The following JPH1 variants were observed in gnomAD, a reference collection of about 807,000 sequenced individuals.
JPH1 encodes the protein junctophilin-1.
Under a neutral mutation model 53.6 loss-of-function variants are expected in JPH1, and 12 were observed. That is an observed-to-expected ratio of 0.22 (90% CI 0.14 to 0.36). The LOEUF is 0.36. Among genes scored for constraint, JPH1 ranks in the 10% least tolerant of loss-of-function variants. JPH1 has a pLI of 1.00. For synonymous variants in JPH1, 375 were observed against 363.8 expected (o/e 1.03, Z -0.35); for missense variants, 808 against 905.5 (o/e 0.89, Z 1.38).
At chr8:74,244,416 C>T in intron 4 of JPH1, 113 bp downstream of exon 4, 2 of 1,162,536 alleles carry the variant, frequency 1.7e-6, no homozygotes, top group South Asian at 1.5e-5. Flanking sequence ...CAACCCTGTG[C>T]TTCTAGAACC....
rs1806981737 is a variant in JPH1 at position 74,235,775 on chromosome 8, T to TGAA, written c.*1275_*1276insTTC. Reference sequence around the variant, plus strand: ...AAGACACATATTTAAAATAAAAATGTCTAAGCCTTTAAAATGTGAAATGAA... The same window carrying TGAA: ...AAGACACATATTTAAAATAAAAATGTGAACTAAGCCTTTAAAATGTGAAATGAA... On this transcript the variant is annotated 3_prime_UTR_variant, in exon 6 of 6. Transcript: ENST00000342232. The TGAA allele has an allele frequency of 6.6e-6, 1 of 152,546 alleles. No homozygotes were observed. Among genetic ancestry groups the TGAA allele is most frequent in the Non-Finnish European group, 1.5e-5 (1 of 68,028 alleles). 9.4% of individuals were successfully genotyped at this position (152,546 alleles called of 1,614,324 possible).
At chr8:74,257,414 T>G (rs1806270727) in intron 3 of JPH1, among the ~76,000 whole-genome samples, 1 of 152,124 alleles carries the variant, frequency 6.6e-6, no homozygotes, top group African/African-American at 2.4e-5. Context: ...CTGATAGAAA[T>G]CTAAAGGGAC....
chr8:74,315,328 G>C lies in JPH1; in HGVS notation c.672C>G (p.Arg224=), dbSNP rs1217086722. 1 of 1,613,592 alleles carries C rather than the reference G, an allele frequency of 6.2e-7. No homozygotes were observed. The highest frequency in any genetic ancestry group is 8.5e-7 in the Non-Finnish European group (1 of 1,180,034). ...AGATGGAAGACTTGGATTCGGACTT[G>C]CGAAGTTTCATGCTTCCAAGAAGGG... The part of the protein sequence containing the change: ...RGSLLGSMKL[R]KSESKSSISS... Residue 224 remains arginine, a synonymous_variant, in exon 2 of 6, where the codon CGC becomes CGG. Coordinates refer to ENST00000342232, the MANE Select transcript of JPH1 (RefSeq NM_020647.4). The surrounding 1 kb of genome is among the most constrained non-coding windows in gnomAD (Gnocchi z 6.3).
At chr8:74,282,498 G>T (rs1033446544) in intron 2 of JPH1, among the ~76,000 whole-genome samples, 3 of 152,150 alleles carry the variant, frequency 2.0e-5, no homozygotes, top group Non-Finnish European at 2.9e-5. Context: ...CTTTTCAACT[G>T]CAGGAAAACA....
At chr8:74,245,648 A>G (rs1805840006) in intron 3 of JPH1, among the ~76,000 whole-genome samples, 1 of 152,174 alleles carries the variant, frequency 6.6e-6, no homozygotes, top group African/African-American at 2.4e-5. Context: ...CTAGTTTGAA[A>G]CAATTTCTGA....
chr8:74,299,476 C>T (rs953176819), intron 2 of JPH1, among the ~76,000 whole-genome samples: 2 of 152,116 alleles, frequency 1.3e-5, no homozygotes, highest in African/African-American at 2.4e-5. Context: ...CGATTCGAGC[C>T]GTGTTCAAAT....
chr8:74,283,717 A>G (rs1035760595), intron 2 of JPH1, among the ~76,000 whole-genome samples: 2 of 152,240 alleles, frequency 1.3e-5, no homozygotes, highest in African/African-American at 4.8e-5. Context: ...CTGAGTGCAC[A>G]CACAGCTCCC....
intron 3 of JPH1, among the ~76,000 whole-genome samples, chr8:74,257,919 C>T (rs558639328): frequency 6.6e-6 from 1 of 152,280 alleles, no homozygotes; most frequent in Admixed American, 6.5e-5. Context: ...CTTATAAAAA[C>T]CGAATCTTCT....
chr8:74,261,443 C>T (rs1285307756), intron 2 of JPH1, among the ~76,000 whole-genome samples: 6 of 152,058 alleles, frequency 3.9e-5, no homozygotes, highest in East Asian at 1.9e-4. Context: ...GGATCAACTT[C>T]GAATCATCAA....
At chr8:74,262,242 C>A (rs1246160019) in intron 2 of JPH1, among the ~76,000 whole-genome samples, 1 of 152,202 alleles carries the variant, frequency 6.6e-6, no homozygotes. Context: ...TAACACCAGC[C>A]TGTACAGCTA....
At chr8:74,302,727 G>C (rs1807718669) in intron 2 of JPH1, among the ~76,000 whole-genome samples, 1 of 152,098 alleles carries the variant, frequency 6.6e-6, no homozygotes, top group Admixed American at 6.5e-5. Context: ...CCTCTCAGTG[G>C]GTCCCTCCAA....
intron 2 of JPH1, among the ~76,000 whole-genome samples, chr8:74,275,066 C>T (rs1471720296): frequency 2.0e-5 from 3 of 152,106 alleles, no homozygotes; most frequent in East Asian, 1.9e-4. Flanking sequence ...AACATTACTA[C>T]CCAAGCAAGT....
At chr8:74,279,988 A>T (rs898727320) in intron 2 of JPH1, among the ~76,000 whole-genome samples, 3 of 152,078 alleles carry the variant, frequency 2.0e-5, no homozygotes, top group Non-Finnish European at 2.9e-5. Context: ...TTAAATTTGA[A>T]TTTTTTTGCT....
chr8:74,288,228 C>G (rs1807225784), intron 2 of JPH1, among the ~76,000 whole-genome samples: 1 of 152,154 alleles, frequency 6.6e-6, no homozygotes, highest in Admixed American at 6.5e-5. Context: ...TTGGCGAGGA[C>G]AGGTTTCATC....
intron 2 of JPH1, among the ~76,000 whole-genome samples, chr8:74,277,879 A>T (rs918301286): frequency 3.9e-5 from 6 of 152,176 alleles, no homozygotes; most frequent in Non-Finnish European, 8.8e-5. Context: ...AAGATATATT[A>T]AAAAAAACAG....
chr8:74,302,605 G>A (rs1481306676), intron 2 of JPH1, among the ~76,000 whole-genome samples: 3 of 152,146 alleles, frequency 2.0e-5, no homozygotes, highest in African/African-American at 7.2e-5. Flanking sequence ...GACTGACAGG[G>A]CTTAGGCAAG....
intron 2 of JPH1, among the ~76,000 whole-genome samples, chr8:74,291,894 G>A (rs1807338014): frequency 6.6e-6 from 1 of 152,156 alleles, no homozygotes; most frequent in Non-Finnish European, 1.5e-5. Context: ...GATGAAGCTG[G>A]AAACCATCAT....
intron 2 of JPH1, among the ~76,000 whole-genome samples, chr8:74,267,840 C>G (rs1420479717): frequency 6.6e-6 from 1 of 152,134 alleles, no homozygotes; most frequent in East Asian, 1.9e-4. Flanking sequence ...GAAAATGAAG[C>G]AGCTCTGAAA....
intron 2 of JPH1, among the ~76,000 whole-genome samples, chr8:74,263,171 T>A (rs1806441240): frequency 6.6e-6 from 1 of 152,208 alleles, no homozygotes; most frequent in South Asian, 2.1e-4. Flanking sequence ...CTCTTATACA[T>A]CTGTGAACTC....
Sources: allele counts gnomAD v4.1 joint callset (sites outside exome capture counted in the v4.1 genomes callset), GRCh38; gene constraint gnomAD v4.1.1; non-coding constraint Gnocchi (gnomAD v3.1); transcripts MANE v1.5; gene names NCBI Gene and HGNC (gene_info 2026-07-23, HGNC 2026-07-21).